SPRY3: variants seen among roughly 807,000 people sequenced by gnomAD.
SPRY3 encodes sprouty RTK signaling antagonist 3.
SPRY3 carries 15 observed loss-of-function variants against 20.2 expected under a neutral mutation model. The ratio of observed to expected loss-of-function variants is 0.74; its 90% CI spans 0.50 to 1.14. The LOEUF is 1.14. Among genes scored for constraint, SPRY3 ranks in the 50% most tolerant of loss-of-function variants. The probability of loss-of-function intolerance (pLI) is 0.00; values close to 1 mark genes in which losing one functional copy is unlikely to be tolerated. For missense variants in SPRY3, 364 were observed against 363.9 expected (o/e 1.00, Z 0.00); for synonymous variants, 143 against 136.5 (o/e 1.05, Z -0.33).
chrX:155,641,737 A>T (rs1486613539), intron 1 of SPRY3, among the ~76,000 whole-genome samples: 1 of 115,093 alleles, frequency 8.7e-6, no homozygotes, highest in Non-Finnish European at 1.9e-5. Context: ...CAAAGGAGAC[A>T]GGATCTCACA....
At chrX:155,776,654 C>A (rs1396387269) in exon 4 of SPRY3, 2 of 167,068 alleles carry the variant, frequency 1.2e-5, no homozygotes, top group African/African-American at 4.8e-5. Context: ...AGTTTAAGAC[C>A]TCCAGACTCT....
intron 2 of SPRY3, among the ~76,000 whole-genome samples, chrX:155,726,674 T>C (rs1453520990): frequency 2.0e-5 from 3 of 152,206 alleles, no homozygotes; most frequent in Admixed American, 6.5e-5. Context: ...ATTTGCTTAG[T>C]AGATCTTCCT....
chrX:155,625,934 C>T (rs1477047508), intron 1 of SPRY3, among the ~76,000 whole-genome samples: 1 of 56,786 alleles, frequency 1.8e-5, no homozygotes, highest in Non-Finnish European at 4.5e-5. Flanking sequence ...TATGGATAAA[C>T]CACATTTTGT....
At chrX:155,711,952 C>A (rs1035936835) in intron 2 of SPRY3, among the ~76,000 whole-genome samples, 5 of 151,672 alleles carry the variant, frequency 3.3e-5, no homozygotes, top group African/African-American at 1.2e-4. Context: ...TTAATTTCAT[C>A]ATTGACCAAC....
chrX:155,697,538 C>T (rs645904), intron 2 of SPRY3, among the ~76,000 whole-genome samples: 34,386 of 103,973 alleles, frequency 0.33, 5,430 homozygotes, highest in African/African-American at 0.58. Context: ...TATATATATA[C>T]ACATATATAT....
At chrX:155,774,126 C>T in exon 4 of SPRY3, 1 of 1,614,010 alleles carries the variant, frequency 6.2e-7, no homozygotes, top group Non-Finnish European at 8.5e-7. Context: ...CTAGCATTGC[C>T]AGCTCAATGT....
At chrX:155,711,280 G>T (rs1207066748) in intron 2 of SPRY3, among the ~76,000 whole-genome samples, 1 of 151,650 alleles carries the variant, frequency 6.6e-6, no homozygotes, top group Non-Finnish European at 1.5e-5. Flanking sequence ...AAGCCAATGG[G>T]TCCCAAACTT....
At chrX:155,755,066 G>A (rs973622170) in intron 2 of SPRY3, among the ~76,000 whole-genome samples, 3 of 142,124 alleles carry the variant, frequency 2.1e-5, no homozygotes, top group Admixed American at 6.9e-5. Flanking sequence ...TCACACGTGC[G>A]TGCACACACA....
chrX:155,716,985 T>TAG (rs1569384498), intron 2 of SPRY3, among the ~76,000 whole-genome samples: 1 of 67,244 alleles, frequency 1.5e-5, no homozygotes, highest in East Asian at 3.9e-4. Flanking sequence ...ATACAAAATA[T>TAG]ATATATATAT....
downstream of SPRY3, chrX:155,780,793 T>TA (rs1363012783): frequency 1.2e-5 from 2 of 166,732 alleles, no homozygotes; most frequent in Non-Finnish European, 2.9e-5. Context: ...TTTCTTAATA[T>TA]ATAAACCATA....
At chrX:155,755,823 A>G (rs2091281581) in intron 2 of SPRY3, among the ~76,000 whole-genome samples, 1 of 152,066 alleles carries the variant, frequency 6.6e-6, no homozygotes, top group African/African-American at 2.4e-5. Flanking sequence ...CATGAAGAAG[A>G]AAGTGCCAGA....
At chrX:155,781,869 A>G (rs191011648) in exon 2 of SPRY3, 2 of 166,590 alleles carry the variant, frequency 1.2e-5, no homozygotes, top group East Asian at 3.9e-4. Flanking sequence ...TGTAGGTCGT[A>G]TGTGCCTTTA....
chrX:155,665,996 T>C (rs2068023442), intron 2 of SPRY3, among the ~76,000 whole-genome samples: 1 of 111,828 alleles, frequency 8.9e-6, no homozygotes, highest in Non-Finnish European at 1.9e-5. Flanking sequence ...TGTGAATTCT[T>C]GGACAATTGA....
chrX:155,687,815 C>G (rs191384023), intron 2 of SPRY3, among the ~76,000 whole-genome samples: 50 of 111,826 alleles, frequency 4.5e-4, no homozygotes, highest in African/African-American at 1.5e-3. Context: ...GAGTGATTGG[C>G]CAGACCTGTG....
chrX:155,671,943 G>C (rs1387352310), intron 2 of SPRY3, among the ~76,000 whole-genome samples: 2 of 111,352 alleles, frequency 1.8e-5, no homozygotes, highest in Non-Finnish European at 3.8e-5. Context: ...GTTTGTCAAA[G>C]ATCAGATGGT....
chrX:155,751,564 C>T (rs976688618), intron 2 of SPRY3, among the ~76,000 whole-genome samples: 2 of 151,776 alleles, frequency 1.3e-5, no homozygotes, highest in Admixed American at 1.3e-4. Flanking sequence ...TCAACACAGA[C>T]GTTTGAGTTG....
chrX:155,779,734 G>T (rs1383288000), downstream of SPRY3: 3 of 166,860 alleles, frequency 1.8e-5, no homozygotes, highest in Admixed American at 1.3e-4. Flanking sequence ...GCAATGAGTT[G>T]GTTGGCTGGC....
intron 2 of SPRY3, among the ~76,000 whole-genome samples, chrX:155,696,570 A>G (rs778365582): frequency 4.1e-4 from 46 of 111,661 alleles, no homozygotes; most frequent in Non-Finnish European, 7.5e-4. Flanking sequence ...ATTAAGCCTA[A>G]TGTAGTTGGG....
At chrX:155,658,449 G>T (rs2067998894) in intron 2 of SPRY3, among the ~76,000 whole-genome samples, 1 of 111,868 alleles carries the variant, frequency 8.9e-6, no homozygotes, top group African/African-American at 3.2e-5. Flanking sequence ...TGTAGCTATT[G>T]CAAATGACAT....
Sources: allele counts gnomAD v4.1 joint callset (sites outside exome capture counted in the v4.1 genomes callset), GRCh38; gene constraint gnomAD v4.1.1; transcripts MANE v1.5; gene names NCBI Gene and HGNC (gene_info 2026-07-23, HGNC 2026-07-21).